SCHIP1: variants seen among roughly 807,000 people sequenced by gnomAD.
SCHIP1 encodes the protein schwannomin-interacting protein 1.
Under a neutral mutation model 29.7 loss-of-function variants are expected in SCHIP1, and 8 were observed. The ratio of observed to expected loss-of-function variants is 0.27; its 90% CI spans 0.16 to 0.49. The LOEUF (loss-of-function observed/expected upper bound fraction) is 0.49. Ranked by LOEUF, SCHIP1 falls within the 20% of genes least tolerant of loss-of-function variation. SCHIP1 has a pLI of 0.99. For synonymous variants in SCHIP1, 76 were observed against 94.9 expected (o/e 0.80, Z 1.16); for missense variants, 193 against 294.6 (o/e 0.66, Z 2.52).
At chr3:159,404,827 G>T in the SCHIP1 span, among the ~76,000 whole-genome samples, 1 of 152,332 alleles carries the variant, frequency 6.6e-6, no homozygotes, top group South Asian at 2.1e-4. Flanking sequence ...TGCAGGTCTT[G>T]GGTGAGACCC....
chr3:159,631,796 T>A, the SCHIP1 span, among the ~76,000 whole-genome samples: 1 of 152,156 alleles, frequency 6.6e-6, no homozygotes, highest in Non-Finnish European at 1.5e-5. Context: ...AATTTTACAC[T>A]TAAACATGGT....
At chr3:159,578,317 T>G in the SCHIP1 span, among the ~76,000 whole-genome samples, 4 of 152,188 alleles carry the variant, frequency 2.6e-5, no homozygotes, top group Non-Finnish European at 5.9e-5. Flanking sequence ...TTTTGAAGAT[T>G]TACTTAAGAA....
At chr3:159,782,777 G>C in the SCHIP1 span, among the ~76,000 whole-genome samples, 2 of 152,214 alleles carry the variant, frequency 1.3e-5, no homozygotes, top group Non-Finnish European at 2.9e-5. Context: ...CTGATATCAA[G>C]CTAGCTGCTC....
the SCHIP1 span, among the ~76,000 whole-genome samples, chr3:159,776,199 A>C: frequency 6.6e-6 from 1 of 152,226 alleles, no homozygotes; most frequent in African/African-American, 2.4e-5. Context: ...TCATGATACC[A>C]GTAGCTAAAA....
chr3:159,495,350 A>T, the SCHIP1 span, among the ~76,000 whole-genome samples: 1 of 152,236 alleles, frequency 6.6e-6, no homozygotes, highest in Non-Finnish European at 1.5e-5. Context: ...TTGTATATCT[A>T]GAAAACCCCA....
the SCHIP1 span, among the ~76,000 whole-genome samples, chr3:159,638,641 G>C: frequency 2.0e-5 from 3 of 151,722 alleles, no homozygotes. Flanking sequence ...ACAGCTAGAG[G>C]GGGTGCGATC....
the SCHIP1 span, among the ~76,000 whole-genome samples, chr3:159,772,669 G>C: frequency 8.3e-4 from 126 of 152,282 alleles, no homozygotes; most frequent in African/African-American, 3.0e-3. Context: ...TTTCTTATTA[G>C]TGCTAAAGTA....
chr3:159,758,195 C>CA, the SCHIP1 span, among the ~76,000 whole-genome samples: 36 of 152,128 alleles, frequency 2.4e-4, no homozygotes, highest in Non-Finnish European at 4.0e-4. Flanking sequence ...CTCTGTCACC[C>CA]AGGCTGGAAT....
chr3:159,837,935 C>T (rs1743832231), upstream of SCHIP1, among the ~76,000 whole-genome samples: 1 of 152,186 alleles, frequency 6.6e-6, no homozygotes, highest in South Asian at 2.1e-4. Flanking sequence ...CATTGTGCAG[C>T]CAGTGAGCAG....
chr3:159,673,036 G>A, the SCHIP1 span, among the ~76,000 whole-genome samples: 13 of 152,190 alleles, frequency 8.5e-5, no homozygotes, highest in African/African-American at 2.4e-4. Context: ...AAAAGTAACC[G>A]AAACCTGTTT....
At chr3:159,277,573 T>A in the SCHIP1 span, among the ~76,000 whole-genome samples, 1 of 152,158 alleles carries the variant, frequency 6.6e-6, no homozygotes, top group Non-Finnish European at 1.5e-5. Context: ...AATATGTGAC[T>A]AGTAAGGGAC....
At chr3:159,598,669 A>G in the SCHIP1 span, among the ~76,000 whole-genome samples, 31,166 of 152,090 alleles carry the variant, frequency 0.2, 8,702 homozygotes, top group African/African-American at 0.63. Context: ...TCTTCCAGGG[A>G]CAAGGTGCAA....
At chr3:159,677,550 G>A in the SCHIP1 span, among the ~76,000 whole-genome samples, 1 of 152,178 alleles carries the variant, frequency 6.6e-6, no homozygotes, top group Non-Finnish European at 1.5e-5. Flanking sequence ...AGGTATGAAG[G>A]TACATTTGTT....
the SCHIP1 span, among the ~76,000 whole-genome samples, chr3:159,357,395 C>T: frequency 6.6e-6 from 1 of 152,088 alleles, no homozygotes; most frequent in Non-Finnish European, 1.5e-5. Context: ...AAGTAATGAG[C>T]TTGGCACAAA....
At chr3:159,363,638 C>G in the SCHIP1 span, among the ~76,000 whole-genome samples, 1 of 152,182 alleles carries the variant, frequency 6.6e-6, no homozygotes, top group East Asian at 1.9e-4. Flanking sequence ...CACCCACCAA[C>G]CCAATCACTC....
the SCHIP1 span, among the ~76,000 whole-genome samples, chr3:159,458,533 G>A: frequency 1.5e-4 from 23 of 151,382 alleles, no homozygotes; most frequent in South Asian, 4.6e-3. Flanking sequence ...TACACAGTTA[G>A]TTCAGCCTCA....
At chr3:159,717,281 A>G in the SCHIP1 span, among the ~76,000 whole-genome samples, 1 of 152,344 alleles carries the variant, frequency 6.6e-6, no homozygotes, top group East Asian at 1.9e-4. Flanking sequence ...AGAAAGCAGG[A>G]AAGATCTAAA....
At chr3:159,627,944 A>G in the SCHIP1 span, among the ~76,000 whole-genome samples, 1 of 152,222 alleles carries the variant, frequency 6.6e-6, no homozygotes, top group Admixed American at 6.5e-5. Context: ...GCTGGAGGAA[A>G]GGGTTGGGCT....
At chr3:159,514,366 T>C in the SCHIP1 span, among the ~76,000 whole-genome samples, 1 of 152,244 alleles carries the variant, frequency 6.6e-6, no homozygotes, top group Non-Finnish European at 1.5e-5. Flanking sequence ...AATAAATTCC[T>C]GAAAGAAATT....
Sources: gnomAD v4.1 joint callset for allele counts (sites outside exome capture counted in the v4.1 genomes callset) on GRCh38, gnomAD v4.1.1 for gene constraint, MANE v1.5 for transcripts, NCBI Gene and HGNC (gene_info 2026-07-23, HGNC 2026-07-21) for gene names.